The following LYPLAL1 variants were observed in gnomAD, a reference collection of about 807,000 sequenced individuals.
LYPLAL1 encodes lysophospholipase like 1, also known as lysophospholipase-like protein 1.
Under a neutral mutation model 19.7 loss-of-function variants are expected in LYPLAL1, and 23 were observed. The ratio of observed to expected loss-of-function variants is 1.17; its 90% confidence interval spans 0.84 to 1.65. LYPLAL1 has a LOEUF of 1.65. LYPLAL1 is among the 40% of genes most tolerant of loss of function. The pLI, the probability that LYPLAL1 is intolerant of heterozygous loss-of-function variation, is 0.00. For synonymous variants in LYPLAL1, 119 were observed against 96.3 expected, an observed-to-expected ratio of 1.24 and a Z score of -1.38; for missense variants, 355 against 279.4, an observed-to-expected ratio of 1.27 and a Z score of -1.93.
intron 1 of LYPLAL1, among the ~76,000 whole-genome samples, chr1:219,178,749 CTT>C (rs1445186665): frequency 1.3e-5 from 2 of 151,948 alleles, no homozygotes; most frequent in Admixed American, 6.5e-5. Context: ...TTAACAGTCA[CTT>C]TAGGAATTTA....
the LYPLAL1 span, among the ~76,000 whole-genome samples, chr1:219,261,018 T>C: frequency 6.6e-6 from 1 of 151,990 alleles, no homozygotes; most frequent in Non-Finnish European, 1.5e-5. Flanking sequence ...AAATGACATA[T>C]AAACCATATC....
At chr1:219,228,710 G>A in the LYPLAL1 span, among the ~76,000 whole-genome samples, 1 of 151,798 alleles carries the variant, frequency 6.6e-6, no homozygotes, top group Non-Finnish European at 1.5e-5. Flanking sequence ...ACGGAGTTTT[G>A]CTCTTGTTGC....
chr1:219,335,736 G>C, the LYPLAL1 span, among the ~76,000 whole-genome samples: 1 of 151,616 alleles, frequency 6.6e-6, no homozygotes, highest in Admixed American at 6.6e-5. Flanking sequence ...AATATCCACT[G>C]AACACTTTAA....
chr1:219,296,156 T>C, the LYPLAL1 span, among the ~76,000 whole-genome samples: 2 of 152,210 alleles, frequency 1.3e-5, no homozygotes, highest in Non-Finnish European at 2.9e-5. Flanking sequence ...TTTGGCAATA[T>C]ATGGACACAT....
At chr1:219,399,651 G>A in the LYPLAL1 span, among the ~76,000 whole-genome samples, 1 of 152,124 alleles carries the variant, frequency 6.6e-6, no homozygotes, top group Non-Finnish European at 1.5e-5. Flanking sequence ...AGGTACTATG[G>A]TATGCCAGCC....
intron 2 of LYPLAL1, among the ~76,000 whole-genome samples, chr1:219,184,734 C>T (rs1656586381): frequency 1.3e-5 from 2 of 151,894 alleles, no homozygotes; most frequent in Admixed American, 6.6e-5. Flanking sequence ...CAGTGAATTA[C>T]ATTAATGGAT....
chr1:219,422,626 A>C, the LYPLAL1 span, among the ~76,000 whole-genome samples: 1 of 152,218 alleles, frequency 6.6e-6, no homozygotes, highest in African/African-American at 2.4e-5. Context: ...AAAAGAGTAC[A>C]TCTTAAAATA....
the LYPLAL1 span, among the ~76,000 whole-genome samples, chr1:219,397,423 CAT>C: frequency 2.6e-5 from 4 of 152,260 alleles, no homozygotes; most frequent in South Asian, 8.3e-4. Context: ...ATGCTGACCT[CAT>C]AGGATGAGTT....
At chr1:219,221,070 A>T in the LYPLAL1 span, among the ~76,000 whole-genome samples, 1 of 152,186 alleles carries the variant, frequency 6.6e-6, no homozygotes, top group East Asian at 1.9e-4. Flanking sequence ...TTTTTGCAGG[A>T]ATCAAAATTC....
chr1:219,174,118 G>T, intron 1 of LYPLAL1, 137 bp downstream of exon 1: 2 of 1,471,292 alleles, frequency 1.4e-6, no homozygotes, highest in Non-Finnish European at 1.8e-6. Context: ...GCCAGCCCCG[G>T]CTGTAGATGC....
chr1:219,297,011 T>C, the LYPLAL1 span, among the ~76,000 whole-genome samples: 1 of 152,308 alleles, frequency 6.6e-6, no homozygotes, highest in South Asian at 2.1e-4. Context: ...GAAAAGTGAG[T>C]TAGATTTCTC....
chr1:219,270,008 T>C, the LYPLAL1 span, among the ~76,000 whole-genome samples: 1 of 152,228 alleles, frequency 6.6e-6, no homozygotes, highest in Non-Finnish European at 1.5e-5. Context: ...CAAGTCCTAC[T>C]GATGACCAAA....
the LYPLAL1 span, among the ~76,000 whole-genome samples, chr1:219,419,548 A>AACACACACACACACACACACAC: frequency 1.0e-5 from 1 of 97,800 alleles, no homozygotes; most frequent in African/African-American, 3.8e-5. Flanking sequence ...GCCCTAGCCC[A>AACACACACACACACACACACAC]ACACACACAC....
At chr1:219,328,446 C>T in the LYPLAL1 span, among the ~76,000 whole-genome samples, 1 of 152,194 alleles carries the variant, frequency 6.6e-6, no homozygotes, top group African/African-American at 2.4e-5. Context: ...ATTCCCTTCT[C>T]TTTGTGCCCA....
chr1:219,405,337 A>G, the LYPLAL1 span, among the ~76,000 whole-genome samples: 2,208 of 152,320 alleles, frequency 0.014, 48 homozygotes, highest in African/African-American at 0.05. Flanking sequence ...GACCTAGCAT[A>G]AACACAGGCA....
the LYPLAL1 span, among the ~76,000 whole-genome samples, chr1:219,300,084 T>A: frequency 2.6e-5 from 4 of 152,122 alleles, no homozygotes; most frequent in Non-Finnish European, 4.4e-5. Flanking sequence ...GCTCAGGCTA[T>A]CTTCCCATCC....
chr1:219,358,968 G>A, the LYPLAL1 span, among the ~76,000 whole-genome samples: 1 of 152,014 alleles, frequency 6.6e-6, no homozygotes, highest in Non-Finnish European at 1.5e-5. Context: ...GTTGCAAGAT[G>A]AGGATTTTAT....
chr1:219,363,327 A>G, the LYPLAL1 span, among the ~76,000 whole-genome samples: 3 of 152,172 alleles, frequency 2.0e-5, no homozygotes, highest in Non-Finnish European at 2.9e-5. Flanking sequence ...AGTAAACACT[A>G]GATTTTGAAG....
At chr1:219,320,574 A>C in the LYPLAL1 span, among the ~76,000 whole-genome samples, 1 of 152,100 alleles carries the variant, frequency 6.6e-6, no homozygotes, top group Non-Finnish European at 1.5e-5. Context: ...ATATCTCCTA[A>C]TGCTATCCCT....
Sources: allele counts gnomAD v4.1 joint callset (sites outside exome capture counted in the v4.1 genomes callset), GRCh38; gene constraint gnomAD v4.1.1; transcripts MANE v1.5; gene names NCBI Gene and HGNC (gene_info 2026-07-23, HGNC 2026-07-21).